Variants in CFAP61 observed in about 807,000 individuals in gnomAD.
The protein encoded by CFAP61 is cilia and flagella associated protein 61, also known as cilia- and flagella-associated protein 61.
Under a neutral mutation model 135.6 loss-of-function variants are expected in CFAP61, and 107 were observed. That is an observed-to-expected ratio of 0.79 (90% CI 0.67 to 0.93). CFAP61 has a LOEUF of 0.93. Among genes scored for constraint, CFAP61 ranks in the 40% least tolerant of loss-of-function variants. The pLI is 0.00. For synonymous variants in CFAP61, 575 were observed against 578.5 expected, an observed-to-expected ratio of 0.99 and a Z score of 0.09; for missense variants, 1,507 against 1,556.2, an observed-to-expected ratio of 0.97 and a Z score of 0.53.
chr20:20,264,066 G>A (rs2052492078), intron 21 of CFAP61, among the ~76,000 whole-genome samples: 1 of 151,942 alleles, frequency 6.6e-6, no homozygotes, highest in South Asian at 2.1e-4. Flanking sequence ...ATTAACTTTT[G>A]CCAAGTTATA....
At chr20:20,111,052 A>T (rs1238179583) in intron 8 of CFAP61, among the ~76,000 whole-genome samples, 1 of 152,218 alleles carries the variant, frequency 6.6e-6, no homozygotes, top group East Asian at 1.9e-4. Context: ...AATGAGCAGG[A>T]TTAGAATCTG....
At chr20:20,132,084 CCTCTT>C in intron 8 of CFAP61, among the ~76,000 whole-genome samples, 1 of 152,094 alleles carries the variant, frequency 6.6e-6, no homozygotes, top group South Asian at 2.1e-4. Context: ...CCCATTTTCC[CCTCTT>C]CTCAGGCTCC....
At chr20:20,275,525 G>T (rs1390041716) in intron 21 of CFAP61, among the ~76,000 whole-genome samples, 1 of 152,120 alleles carries the variant, frequency 6.6e-6, no homozygotes, top group Non-Finnish European at 1.5e-5. Flanking sequence ...GACCACCCTT[G>T]CTGGATCAGA....
chr20:20,053,186 A>G (rs1475563157), intron 1 of CFAP61, among the ~76,000 whole-genome samples: 1 of 152,238 alleles, frequency 6.6e-6, no homozygotes, highest in Admixed American at 6.5e-5. Flanking sequence ...GTTAGCTGTT[A>G]TAATACTTAA....
At chr20:20,145,655 A>C (rs2051819963) in intron 9 of CFAP61, among the ~76,000 whole-genome samples, 1 of 152,238 alleles carries the variant, frequency 6.6e-6, no homozygotes, top group Non-Finnish European at 1.5e-5. Flanking sequence ...AAATATAAAG[A>C]TACAATAGGC....
intron 8 of CFAP61, among the ~76,000 whole-genome samples, chr20:20,134,644 A>C (rs1482373475): frequency 6.6e-6 from 1 of 152,234 alleles, no homozygotes; most frequent in Non-Finnish European, 1.5e-5. Context: ...GAGGTATTTT[A>C]GATAATTAAT....
chr20:20,059,197 G>A (rs972109654), intron 2 of CFAP61, among the ~76,000 whole-genome samples: 15 of 151,460 alleles, frequency 9.9e-5, no homozygotes, highest in Admixed American at 7.9e-4. Flanking sequence ...ATGTGGTAGC[G>A]CGCACTCTGT....
chr20:20,102,942 G>A (rs919976162), intron 8 of CFAP61, among the ~76,000 whole-genome samples: 4 of 152,048 alleles, frequency 2.6e-5, no homozygotes, highest in African/African-American at 9.7e-5. Flanking sequence ...TAATACACAT[G>A]GTAATTAGCT....
chr20:20,152,317 C>A (rs13041172), intron 9 of CFAP61, among the ~76,000 whole-genome samples: 29,361 of 150,066 alleles, frequency 0.2, 3,530 homozygotes, highest in Middle Eastern at 0.32. Flanking sequence ...AAAAAAAAAA[C>A]ACCAAAGTAT....
chr20:20,054,748 TGTCA>T (rs2044164266), intron 1 of CFAP61, among the ~76,000 whole-genome samples: 1 of 152,250 alleles, frequency 6.6e-6, no homozygotes, highest in South Asian at 2.1e-4. Context: ...AGAAATATTC[TGTCA>T]GTCTAATTAT....
intron 25 of CFAP61, chr20:20,323,066 C>T (rs1309024593): frequency 1.0e-6 from 1 of 985,316 alleles, no homozygotes; most frequent in Non-Finnish European, 1.2e-6. Context: ...TTAGACAAAG[C>T]ACTGCTGCCC....
intron 2 of CFAP61, among the ~76,000 whole-genome samples, chr20:20,063,707 G>A (rs924322547): frequency 6.6e-6 from 1 of 152,124 alleles, no homozygotes; most frequent in African/African-American, 2.4e-5. Context: ...TGCAGTAAGG[G>A]AAAGAAAAAG....
intron 22 of CFAP61, among the ~76,000 whole-genome samples, chr20:20,284,304 G>A (rs6075639): frequency 0.12 from 1,346 of 11,006 alleles, 52 homozygotes; most frequent in African/African-American, 0.17. Context: ...ATTTTATTTT[G>A]AGATGGAGTC....
Position 20,353,913 on chromosome 20 carries a change from G to A in CFAP61, c.3514-6297G>A, listed in dbSNP as rs573480200. On this transcript the variant is annotated intron_variant, in intron 26 of 26. Transcript: ENST00000245957. ...TTCAGCCATTTTGGAAAACAGTATG[G>A]AGGTTCCTCTGAAAACTAAAAATAG... 7.9e-5 allele frequency among the ~76,000 whole-genome samples: 12 copies of A among 152,342 alleles called. No individual in the cohort carries two copies. In the South Asian group the frequency reaches 2.3e-3, roughly 29 times the overall value.
intron 18 of CFAP61, among the ~76,000 whole-genome samples, chr20:20,243,477 G>T (rs2050175157): frequency 1.4e-5 from 2 of 147,830 alleles, no homozygotes; most frequent in South Asian, 4.4e-4. Flanking sequence ...CACTCTTGTT[G>T]CCCAGGCTGG....
intron 25 of CFAP61, among the ~76,000 whole-genome samples, chr20:20,325,589 A>G (rs558017598): frequency 6.6e-6 from 1 of 152,306 alleles, no homozygotes; most frequent in East Asian, 1.9e-4. Context: ...CATTGTCTGG[A>G]TATACCACAG....
chr20:20,267,134 A>G (rs1193092883), intron 21 of CFAP61, among the ~76,000 whole-genome samples: 1 of 152,136 alleles, frequency 6.6e-6, no homozygotes, highest in Non-Finnish European at 1.5e-5. Flanking sequence ...GAGGCTGTGA[A>G]GTTTGGAGAA....
chr20:20,087,189 G>A (rs1048034198), intron 6 of CFAP61, among the ~76,000 whole-genome samples: 7 of 152,010 alleles, frequency 4.6e-5, no homozygotes, highest in South Asian at 4.2e-4. Flanking sequence ...TTTGTTACCC[G>A]GGTATATTGC....
intron 8 of CFAP61, among the ~76,000 whole-genome samples, chr20:20,132,533 C>T (rs949134939): frequency 7.9e-5 from 12 of 151,966 alleles, no homozygotes; most frequent in Non-Finnish European, 1.8e-4. Flanking sequence ...GTCATATTTG[C>T]TAATAATGTC....
Sources: gnomAD v4.1 joint callset for allele counts (sites outside exome capture counted in the v4.1 genomes callset) on GRCh38, gnomAD v4.1.1 for gene constraint, MANE v1.5 for transcripts, NCBI Gene and HGNC (gene_info 2026-07-23, HGNC 2026-07-21) for gene names.